Variants in PTPRK observed in about 807,000 individuals in gnomAD.
PTPRK encodes protein tyrosine phosphatase receptor type K.
PTPRK carries 75 observed loss-of-function variants against 178.0 expected under a neutral mutation model. The ratio of observed to expected loss-of-function variants is 0.42; its 90% CI spans 0.35 to 0.51. The LOEUF is 0.51. Among genes scored for constraint, PTPRK ranks in the 20% least tolerant of loss-of-function variants. The probability of loss-of-function intolerance (pLI) is 0.02; values close to 1 mark genes in which losing one functional copy is unlikely to be tolerated. For missense variants in PTPRK, 1,441 were observed against 1,797.8 expected (o/e 0.80, Z 3.59); for synonymous variants, 637 against 620.6 (o/e 1.03, Z -0.39).
intron 8 of PTPRK, chr6:128,085,369 A>G (rs1223031738): frequency 6.6e-6 from 1 of 152,254 alleles, no homozygotes; most frequent in Non-Finnish European, 1.5e-5. Flanking sequence ...GTCTTGCAAG[A>G]GTACCTGTTG....
chr6:128,519,887 A>ACAACAAACTGTTTGTT lies in PTPRK; in HGVS notation c.100+371_100+372insAACAAACAGTTTGTTG, dbSNP rs1195196104. Among the ~76,000 whole-genome samples, 1 of 152,184 alleles carries ACAACAAACTGTTTGTT rather than the reference A, an allele frequency of 6.6e-6. No individual in the cohort carries two copies. The highest frequency in any genetic ancestry group is 6.5e-5 in the Admixed American group (1 of 15,288). On this transcript the variant is annotated intron_variant, in intron 1 of 29. Transcript: ENST00000368226. This position sits in a 1 kb window ranked among gnomAD's most constrained non-coding sequence, Gnocchi z 4.3. Reference sequence around the variant, plus strand: ...CCCAGGGAATTTGTTTAAACACCCAAGTGGCAGACAGCAACAAACCCGCAC... The same window carrying ACAACAAACTGTTTGTT: ...CCCAGGGAATTTGTTTAAACACCCAACAACAAACTGTTTGTTGTGGCAGACAGCAACAAACCCGCAC...
chr6:128,155,210 G>C (rs1270167706), intron 7 of PTPRK, among the ~76,000 whole-genome samples: 1 of 151,654 alleles, frequency 6.6e-6, no homozygotes, highest in Non-Finnish European at 1.5e-5. Flanking sequence ...ATAAGATTCA[G>C]ACTTGAATAT....
intron 1 of PTPRK, among the ~76,000 whole-genome samples, chr6:128,451,050 C>T (rs1248384728): frequency 6.6e-6 from 1 of 152,134 alleles, no homozygotes; most frequent in African/African-American, 2.4e-5. Context: ...AAATAAGTGA[C>T]AATGTCTGTT....
chr6:128,216,227 G>A (rs1171354042), intron 6 of PTPRK, among the ~76,000 whole-genome samples: 1 of 152,048 alleles, frequency 6.6e-6, no homozygotes, highest in African/African-American at 2.4e-5. Flanking sequence ...ACTTATGGCA[G>A]GACTTTCTTT....
rs192325654 is a variant in PTPRK at position 128,419,310 on chromosome 6, A to C, written c.101-21622T>G. On this transcript the variant is annotated intron_variant, in intron 1 of 29. Transcript: ENST00000368226. ...TGAGCTGCCTCTTTTAAATATTAGA[A>C]AGTGAAAAGACAGAGAATGCGGCCG... 3.1e-4 allele frequency among the ~76,000 whole-genome samples: 47 copies of C among 152,294 alleles called. 1 individual carries two copies. Among genetic ancestry groups the C allele is most frequent in the Admixed American group, 2.9e-3 (44 of 15,298 alleles).
intron 1 of PTPRK, among the ~76,000 whole-genome samples, chr6:128,506,901 A>G (rs1856453023): frequency 6.6e-6 from 1 of 152,110 alleles, no homozygotes; most frequent in African/African-American, 2.4e-5. Flanking sequence ...ACAGCATGAG[A>G]TTAGATATTC....
At chr6:128,250,747 A>G (rs1024226327) in intron 3 of PTPRK, among the ~76,000 whole-genome samples, 1 of 152,230 alleles carries the variant, frequency 6.6e-6, no homozygotes, top group Non-Finnish European at 1.5e-5. Flanking sequence ...GAGTAAGTCC[A>G]GTATCTACAT....
Position 127,986,019 on chromosome 6 carries a change from A to G in PTPRK, c.3097-144T>C, listed in dbSNP as rs917327801. ...AGACTATGCCTTTTCTTAAAAAAAA[A>G]ATATAATAAAATGAAGGCCTAACAT... On this transcript the variant is annotated intron_variant, in intron 21 of 29. Transcript: ENST00000368226. 4.3e-6 allele frequency: 3 copies of G among 703,310 alleles called. No homozygotes were observed. The East Asian group carries it at 8.9e-5, about 21-fold the overall frequency. 43.6% of individuals were successfully genotyped at this position (703,310 alleles called of 1,614,324 possible). A position where few individuals can be genotyped will look rare whatever the true frequency, so the allele number is the denominator to read the frequency against.
rs76034741 is a variant in PTPRK at position 128,360,080 on chromosome 6, C to T, written c.223+37486G>A. The stretch of plus-strand genomic sequence containing the variant: ...AGGCAATTTTGTATTTGTTGTTGCT[C>T]AGAGTTGAATTTTACCAAGATTTTA... On this transcript the variant is annotated intron_variant, in intron 2 of 29. Transcript: ENST00000368226. 2.7e-3 allele frequency among the ~76,000 whole-genome samples: 411 copies of T among 152,210 alleles called. 1 individual carries two copies. Among genetic ancestry groups the T allele is most frequent in the African/African-American group, 9.5e-3 (393 of 41,540 alleles).
chr6:128,323,993 T>C (rs1443361717), intron 2 of PTPRK, among the ~76,000 whole-genome samples: 2 of 152,156 alleles, frequency 1.3e-5, no homozygotes, highest in Admixed American at 1.3e-4. Context: ...TTCTTTATTA[T>C]ATTCACATTC....
At chr6:128,086,462 C>G (rs1785848452) in intron 8 of PTPRK, among the ~76,000 whole-genome samples, 1 of 152,050 alleles carries the variant, frequency 6.6e-6, no homozygotes, top group Non-Finnish European at 1.5e-5. Context: ...GAAATTCTAC[C>G]TTAGGGTTCT....
intron 1 of PTPRK, among the ~76,000 whole-genome samples, chr6:128,508,993 T>G (rs1254637240): frequency 6.6e-6 from 1 of 151,780 alleles, no homozygotes; most frequent in Admixed American, 6.6e-5. Context: ...AAAAATTTCA[T>G]AAATAAACAG....
chr6:128,244,046 G>A (rs893761062), intron 3 of PTPRK, among the ~76,000 whole-genome samples: 16 of 152,182 alleles, frequency 1.1e-4, no homozygotes, highest in African/African-American at 3.9e-4. Flanking sequence ...ACTCAGTTGT[G>A]AAATATAGGA....
At chr6:128,035,781 C>G (rs570417381) in intron 13 of PTPRK, among the ~76,000 whole-genome samples, 28 of 152,106 alleles carry the variant, frequency 1.8e-4, no homozygotes, top group African/African-American at 5.8e-4. Flanking sequence ...ACACTTGGGT[C>G]TCCCAGTTAG....
chr6:128,415,140 G>T (rs1479863381), intron 1 of PTPRK, among the ~76,000 whole-genome samples: 1 of 152,162 alleles, frequency 6.6e-6, no homozygotes, highest in African/African-American at 2.4e-5. Context: ...GACTAGGGAA[G>T]TATTACAAAA....
intron 7 of PTPRK, among the ~76,000 whole-genome samples, chr6:128,123,071 C>G (rs981745177): frequency 5.9e-5 from 9 of 151,968 alleles, no homozygotes; most frequent in Middle Eastern, 6.3e-3. Flanking sequence ...TGGGTGGGCC[C>G]TAAATTCAAT....
intron 7 of PTPRK, among the ~76,000 whole-genome samples, chr6:128,154,282 G>GA (rs2114575081): frequency 6.6e-6 from 1 of 151,632 alleles, no homozygotes; most frequent in South Asian, 2.1e-4. Flanking sequence ...TAACAAATAT[G>GA]AATCTCTACT....
chr6:128,346,653 T>C (rs991561888), intron 2 of PTPRK, among the ~76,000 whole-genome samples: 8 of 152,134 alleles, frequency 5.3e-5, no homozygotes, highest in African/African-American at 1.2e-4. Flanking sequence ...TCAATACAAA[T>C]GGAGTAAGAC....
intron 5 of PTPRK, among the ~76,000 whole-genome samples, chr6:128,227,509 A>C (rs1200767034): frequency 1.3e-5 from 2 of 152,236 alleles, no homozygotes; most frequent in Non-Finnish European, 2.9e-5. Context: ...AACTCAAAGC[A>C]ACAGAAGAGG....
Sources: gnomAD v4.1 joint callset for allele counts (sites outside exome capture counted in the v4.1 genomes callset) on GRCh38, gnomAD v4.1.1 for gene constraint, Gnocchi (gnomAD v3.1) non-coding constraint, MANE v1.5 for transcripts, NCBI Gene and HGNC (gene_info 2026-07-23, HGNC 2026-07-21) for gene names.